CCDC7: variants seen among roughly 807,000 people sequenced by gnomAD.
CCDC7 encodes coiled-coil domain-containing protein 7.
In CCDC7, 183 loss-of-function variants were observed where a neutral mutation model predicts 196.9. That is an observed-to-expected ratio of 0.93 (90% CI 0.82 to 1.05). CCDC7 has a LOEUF of 1.05. Ranked by LOEUF, CCDC7 falls within the 50% of genes least tolerant of loss-of-function variation. The pLI is 0.00. For synonymous variants in CCDC7, 525 were observed against 484.6 expected (o/e 1.08, Z -1.10); for missense variants, 1,540 against 1,482.2 (o/e 1.04, Z -0.64).
chr10:32,630,821 T>G (rs12416352), intron 18 of CCDC7, among the ~76,000 whole-genome samples: 15,986 of 152,222 alleles, frequency 0.11, 1,039 homozygotes, highest in South Asian at 0.25. Context: ...CTGTGTCAGT[T>G]AGAAAATATA....
chr10:32,774,943 G>T (rs2079764057), intron 28 of CCDC7, among the ~76,000 whole-genome samples: 1 of 152,128 alleles, frequency 6.6e-6, no homozygotes, highest in Non-Finnish European at 1.5e-5. Context: ...TGTTGTTAAA[G>T]AAGCTATTGC....
chr10:32,851,766 T>C (rs757188751), intron 39 of CCDC7, 41 bp from the exon 41 acceptor site: 1 of 1,554,142 alleles, frequency 6.4e-7, no homozygotes, highest in South Asian at 1.2e-5. Flanking sequence ...ATTACAAATG[T>C]CATCTATTGT....
At chr10:32,756,100 G>T (rs1015510461) in intron 28 of CCDC7, among the ~76,000 whole-genome samples, 2 of 152,148 alleles carry the variant, frequency 1.3e-5, no homozygotes, top group African/African-American at 2.4e-5. Context: ...AGAAATATGG[G>T]ACTATGGGAA....
intron 30 of CCDC7, among the ~76,000 whole-genome samples, chr10:32,809,047 A>G (rs1011846911): frequency 6.6e-6 from 1 of 152,136 alleles, no homozygotes; most frequent in Non-Finnish European, 1.5e-5. Flanking sequence ...AAAGTGCCCT[A>G]TCCAACCAAC....
intron 13 of CCDC7, among the ~76,000 whole-genome samples, chr10:32,564,672 G>A (rs1169138254): frequency 5.9e-5 from 9 of 151,780 alleles, no homozygotes; most frequent in Non-Finnish European, 1.0e-4. Context: ...GACGGGGGAG[G>A]GATAACATTA....
At chr10:32,655,726 G>A (rs1032488873) in intron 20 of CCDC7, among the ~76,000 whole-genome samples, 1 of 152,056 alleles carries the variant, frequency 6.6e-6, no homozygotes, top group African/African-American at 2.4e-5. Context: ...GTATTTTTTA[G>A]TAGAGATGGG....
chr10:32,861,576 TC>T (rs1256440674), intron 41 of CCDC7, among the ~76,000 whole-genome samples: 1 of 151,934 alleles, frequency 6.6e-6, no homozygotes, highest in East Asian at 1.9e-4. Flanking sequence ...ACAAATGAGA[TC>T]TAATTAAACT....
rs569913246 is a variant in CCDC7 at position 32,711,846 on chromosome 10, CTG to C, written c.2569+118_2569+119del. ...ATATATTTTATTGATAATTTATACT[CTG>C]TAAATACTCTAACATAACTCAAGAA... On this transcript the variant is annotated intron_variant, in intron 25 of 41. Coordinates refer to ENST00000639629, the Ensembl canonical transcript of CCDC7. The C allele has an allele frequency of 5.0e-4, 254 of 504,662 alleles. 2 individuals are homozygous for C. The highest frequency in any genetic ancestry group is 4.8e-3 in the African/African-American group (234 of 49,004). 31.3% of individuals were successfully genotyped at this position (504,662 alleles called of 1,614,324 possible).
At chr10:32,497,591 G>A (rs1033474195) in intron 9 of CCDC7, among the ~76,000 whole-genome samples, 2 of 152,150 alleles carry the variant, frequency 1.3e-5, no homozygotes, top group South Asian at 2.1e-4. Flanking sequence ...GGTACATTGT[G>A]TCTTTATTCT....
chr10:32,719,354 C>A (rs11009053), intron 25 of CCDC7, among the ~76,000 whole-genome samples: 52,095 of 152,006 alleles, frequency 0.34, 11,314 homozygotes, highest in Non-Finnish European at 0.49. Context: ...CCCTTCCTTA[C>A]ATCTTATACA....
At chr10:32,642,734 G>A (rs548039605) in intron 20 of CCDC7, among the ~76,000 whole-genome samples, 20 of 152,158 alleles carry the variant, frequency 1.3e-4, no homozygotes, top group Non-Finnish European at 2.6e-4. Flanking sequence ...GAAATCATCC[G>A]TCTTCTGCGT....
At chr10:32,705,814 TAAAG>T (rs1385361290) in intron 24 of CCDC7, among the ~76,000 whole-genome samples, 1 of 152,102 alleles carries the variant, frequency 6.6e-6, no homozygotes, top group African/African-American at 2.4e-5. Flanking sequence ...CCCAGATTCA[TAAAG>T]AAAGCCCTTA....
At chr10:32,859,797 T>A (rs11009117) in intron 41 of CCDC7, among the ~76,000 whole-genome samples, 20,960 of 152,006 alleles carry the variant, frequency 0.14, 1,745 homozygotes, top group East Asian at 0.25. Context: ...CTACGCAAAT[T>A]AACTAGAAAA....
At position 32,557,007 on chromosome 10, in the gene CCDC7, G is replaced by A. The variant is rs2054468645; in HGVS notation, c.1135-8551G>A. On this transcript the variant is annotated intron_variant, in intron 13 of 41. Transcript: ENST00000639629. ...ATGTGTTGAAATCGCTTGTGCAGTTGTTGTAAGGTTTACTTTTGTTCCCAT... is the reference window on the plus strand; with the variant it reads ...ATGTGTTGAAATCGCTTGTGCAGTTATTGTAAGGTTTACTTTTGTTCCCAT... Among the ~76,000 whole-genome samples, 4 of 152,136 alleles carry A rather than the reference G, an allele frequency of 2.6e-5. No individual in the cohort carries two copies. The South Asian group carries it at 8.3e-4, about 32-fold the overall frequency.
At chr10:32,746,243 G>A (rs1228414033) in intron 28 of CCDC7, among the ~76,000 whole-genome samples, 1 of 152,180 alleles carries the variant, frequency 6.6e-6, no homozygotes, top group Non-Finnish European at 1.5e-5. Context: ...CCAAGCATCA[G>A]GACTCATTCT....
At chr10:32,675,164 G>A (rs540108802) in intron 21 of CCDC7, among the ~76,000 whole-genome samples, 5 of 151,884 alleles carry the variant, frequency 3.3e-5, no homozygotes, top group African/African-American at 1.2e-4. Flanking sequence ...TTATAGCTGT[G>A]CCCTATCTTC....
At chr10:32,686,539 A>G (rs185184999) in intron 22 of CCDC7, among the ~76,000 whole-genome samples, 1 of 152,214 alleles carries the variant, frequency 6.6e-6, no homozygotes, top group African/African-American at 2.4e-5. Context: ...ACTCGAGGGC[A>G]TTCTGTTGGT....
chr10:32,789,329 A>G (rs2082333362), intron 29 of CCDC7, among the ~76,000 whole-genome samples: 1 of 152,118 alleles, frequency 6.6e-6, no homozygotes, highest in African/African-American at 2.4e-5. Context: ...ACTACAAGAG[A>G]AAACAGACAA....
intron 13 of CCDC7, among the ~76,000 whole-genome samples, chr10:32,554,469 C>A (rs2054030585): frequency 6.6e-6 from 1 of 152,202 alleles, no homozygotes; most frequent in South Asian, 2.1e-4. Context: ...TGCTTCAGGA[C>A]CCAGTGAGCT....
Sources: gnomAD v4.1 joint callset for allele counts (sites outside exome capture counted in the v4.1 genomes callset) on GRCh38, gnomAD v4.1.1 for gene constraint, MANE v1.5 for transcripts, NCBI Gene and HGNC (gene_info 2026-07-23, HGNC 2026-07-21) for gene names.